The following SPOCK1 variants were observed in gnomAD, a reference collection of about 807,000 sequenced individuals.
The protein encoded by SPOCK1 is testican-1.
Under a neutral mutation model 55.3 loss-of-function variants are expected in SPOCK1, and 23 were observed. That is an observed-to-expected ratio of 0.42 (90% confidence interval 0.30 to 0.59). SPOCK1 has a LOEUF of 0.59. Among genes scored for constraint, SPOCK1 ranks in the 20% least tolerant of loss-of-function variants. The pLI, the probability that SPOCK1 is intolerant of heterozygous loss-of-function variation, is 0.22. For missense variants in SPOCK1, 499 were observed against 552.5 expected (o/e 0.90, Z 0.97); for synonymous variants, 226 against 221.0 (o/e 1.02, Z -0.20).
intron 4 of SPOCK1, among the ~76,000 whole-genome samples, chr5:137,119,794 TTATAAGCGGCC>T (rs1402943212): frequency 1.3e-5 from 2 of 152,214 alleles, no homozygotes; most frequent in African/African-American, 4.8e-5. Context: ...CTGAGCTGCC[TTATAAGCGGCC>T]TTATTATGCC....
intron 2 of SPOCK1, among the ~76,000 whole-genome samples, chr5:137,452,733 T>C (rs1388986777): frequency 6.6e-6 from 1 of 152,200 alleles, no homozygotes; most frequent in Non-Finnish European, 1.5e-5. Flanking sequence ...AAAGCTATAG[T>C]TTCCCTTTTG....
chr5:137,371,152 A>C (rs1378243531), intron 2 of SPOCK1, among the ~76,000 whole-genome samples: 1 of 152,218 alleles, frequency 6.6e-6, no homozygotes, highest in Non-Finnish European at 1.5e-5. Flanking sequence ...ATTAAAAGAG[A>C]CTCACTTTTT....
At chr5:137,057,642 C>G (rs1752326101) in intron 6 of SPOCK1, among the ~76,000 whole-genome samples, 1 of 152,166 alleles carries the variant, frequency 6.6e-6, no homozygotes, top group Non-Finnish European at 1.5e-5. Context: ...GGGGCCACAC[C>G]TTTCTTTGCT....
chr5:137,123,464 C>T (rs902082523), intron 4 of SPOCK1, among the ~76,000 whole-genome samples: 2 of 152,288 alleles, frequency 1.3e-5, no homozygotes, highest in Non-Finnish European at 2.9e-5. Flanking sequence ...TTATCACTGG[C>T]CACTTTGGGC....
chr5:137,360,469 T>C (rs377466158), intron 2 of SPOCK1, among the ~76,000 whole-genome samples: 20 of 152,210 alleles, frequency 1.3e-4, no homozygotes, highest in African/African-American at 4.6e-4. Context: ...TACTTCCAAA[T>C]ATACCCTTCC....
chr5:137,265,882 T>G (rs1171838048), intron 3 of SPOCK1, among the ~76,000 whole-genome samples: 1 of 152,158 alleles, frequency 6.6e-6, no homozygotes, highest in Non-Finnish European at 1.5e-5. Flanking sequence ...TCCTGTAGGG[T>G]AGGCACCACA....
intron 5 of SPOCK1, among the ~76,000 whole-genome samples, chr5:137,076,602 G>A (rs13169741): frequency 2.3e-5 from 3 of 133,082 alleles, no homozygotes; most frequent in African/African-American, 3.0e-5. Context: ...ATACTGGACT[G>A]AAAGTAAAAA....
chr5:137,399,973 T>C (rs1251025592), intron 2 of SPOCK1, among the ~76,000 whole-genome samples: 2 of 152,208 alleles, frequency 1.3e-5, no homozygotes, highest in African/African-American at 4.8e-5. Flanking sequence ...GGACTTGCTA[T>C]CTCTGAGGTC....
intron 7 of SPOCK1, among the ~76,000 whole-genome samples, chr5:136,989,903 G>A (rs1201656995): frequency 6.6e-6 from 1 of 152,074 alleles, no homozygotes; most frequent in East Asian, 1.9e-4. Flanking sequence ...GTAGAATACA[G>A]CAAAATGTAC....
chr5:137,457,461 C>A (rs539293564), intron 2 of SPOCK1, among the ~76,000 whole-genome samples: 6 of 151,948 alleles, frequency 3.9e-5, no homozygotes, highest in African/African-American at 1.4e-4. Flanking sequence ...TTTCACCACG[C>A]CAAGAATCAT....
At position 136,978,271 on chromosome 5, in the gene SPOCK1, GTA is replaced by G; in HGVS notation, c.*381_*382del. 3.3e-6 allele frequency: 1 copy of G among 303,342 alleles called. No individual in the cohort carries two copies. Among genetic ancestry groups the G allele is most frequent in the Non-Finnish European group, 6.0e-6 (1 of 166,846 alleles). The allele number at this position is 303,342 out of a possible 1,614,324, so 18.8% of individuals were successfully genotyped here. A position where few individuals can be genotyped will look rare whatever the true frequency, so the allele number is the denominator to read the frequency against. On this transcript the variant is annotated 3_prime_UTR_variant, in exon 11 of 11. Coordinates refer to ENST00000394945, the MANE Select transcript of SPOCK1 (RefSeq NM_004598.4). ...ACACTGTAAGGCTGGGAACCATGCTGTAATAACCACCAGTGTGGGTAATCAAA... is the reference window on the plus strand; with the variant it reads ...ACACTGTAAGGCTGGGAACCATGCTGATAACCACCAGTGTGGGTAATCAAA...
chr5:137,239,974 T>C (rs761548400), intron 3 of SPOCK1, among the ~76,000 whole-genome samples: 2 of 152,204 alleles, frequency 1.3e-5, no homozygotes, highest in Admixed American at 6.5e-5. Flanking sequence ...AAATACAAAA[T>C]TGACTTGCAA....
At chr5:137,386,687 T>TACA (rs1423372246) in intron 2 of SPOCK1, among the ~76,000 whole-genome samples, 38 of 152,070 alleles carry the variant, frequency 2.5e-4, no homozygotes, top group African/African-American at 8.7e-4. Context: ...ATGTGTAAAA[T>TACA]ACAAAACTAT....
intron 2 of SPOCK1, among the ~76,000 whole-genome samples, chr5:137,460,388 G>A (rs1410074117): frequency 2.0e-5 from 3 of 152,148 alleles, no homozygotes; most frequent in Non-Finnish European, 2.9e-5. Flanking sequence ...ACTCTTCCAG[G>A]TCAAGGTACG....
intron 5 of SPOCK1, among the ~76,000 whole-genome samples, chr5:137,096,650 C>T (rs1490391762): frequency 6.6e-6 from 1 of 152,222 alleles, no homozygotes; most frequent in Non-Finnish European, 1.5e-5. Flanking sequence ...TCCAAGAAAT[C>T]GATGAGCCAA....
intron 3 of SPOCK1, among the ~76,000 whole-genome samples, chr5:137,244,815 A>G (rs569847181): frequency 6.6e-6 from 1 of 152,342 alleles, no homozygotes; most frequent in East Asian, 1.9e-4. Flanking sequence ...GCTCTCTGCC[A>G]TGCCAGTTTC....
rs746022815 is a variant in SPOCK1, at chr5:137,112,538, T to C, written c.371A>G (p.Gln124Arg). Reference protein sequence around the residue: ...LPRQKKGNVAQKHWVGPSNLV... With the variant: ...LPRQKKGNVARKHWVGPSNLV... ...ATTCGAAGGTCCAACCCAGTGTTTC[T>C]GGGCCACGTTCCCCTTCTTTTGCCT... The change falls in exon 5 of 11, where the codon CAG becomes CGG. Residue 124 changes from glutamine to arginine, a missense_variant. Gln to Arg is a conservative substitution (Grantham distance 43, BLOSUM62 1). Around this residue, in one of 3 missense-constraint regions of SPOCK1, gnomAD observed 386 missense variants for 400.6 expected, o/e 0.96. Transcript: ENST00000394945. 2.5e-6 allele frequency: 4 copies of C among 1,613,650 alleles called. No homozygotes were observed. Among genetic ancestry groups the C allele is most frequent in the South Asian group, 1.1e-5 (1 of 91,034 alleles).
chr5:136,985,087 G>T, intron 9 of SPOCK1, 53 bp downstream of exon 9: 1 of 1,522,876 alleles, frequency 6.6e-7, no homozygotes. Flanking sequence ...CATTACAAGG[G>T]ACATGGCTGG....
At chr5:137,126,385 G>A (rs1753783141) in intron 4 of SPOCK1, among the ~76,000 whole-genome samples, 1 of 152,164 alleles carries the variant, frequency 6.6e-6, no homozygotes, top group Admixed American at 6.5e-5. Context: ...AGCCTCAGGT[G>A]TTCCTTCATA....
Sources: gnomAD v4.1 joint callset for allele counts (sites outside exome capture counted in the v4.1 genomes callset) on GRCh38, gnomAD v4.1.1 for gene constraint, gnomAD v4.1.1 regional missense constraint, MANE v1.5 for transcripts, NCBI Gene and HGNC (gene_info 2026-07-23, HGNC 2026-07-21) for gene names.